UTRN: variants seen among roughly 807,000 people sequenced by gnomAD.
UTRN encodes dystrophin-related protein 1.
Under a neutral mutation model 463.9 loss-of-function variants are expected in UTRN, and 283 were observed. That is an observed-to-expected ratio of 0.61 (90% CI 0.55 to 0.67). UTRN has a LOEUF of 0.67. Ranked by LOEUF, UTRN falls within the 30% of genes least tolerant of loss-of-function variation. The pLI is 0.00. For missense variants in UTRN, 3,922 were observed against 4,084.3 expected (o/e 0.96, Z 1.08); for synonymous variants, 1,442 against 1,431.5 (o/e 1.01, Z -0.17).
At chr6:144,519,884 G>A (rs911251846) in intron 39 of UTRN, among the ~76,000 whole-genome samples, 2 of 152,172 alleles carry the variant, frequency 1.3e-5, no homozygotes, top group African/African-American at 4.8e-5. Flanking sequence ...AACTGAAGAA[G>A]CAGCACAGGA....
chr6:144,548,570 T>C, intron 46 of UTRN, 70 bp from the exon 47 acceptor site: 4 of 1,450,642 alleles, frequency 2.8e-6, no homozygotes, highest in Non-Finnish European at 3.8e-6. Flanking sequence ...CATACACGTG[T>C]CACCATGACA....
chr6:144,336,384 T>C (rs374246846), intron 2 of UTRN, among the ~76,000 whole-genome samples: 9 of 152,304 alleles, frequency 5.9e-5, no homozygotes, highest in African/African-American at 2.2e-4. Flanking sequence ...GCACAAGTTT[T>C]CTGAGGTAGA....
intron 59 of UTRN, among the ~76,000 whole-genome samples, 181 bp from the exon 60 acceptor site, chr6:144,774,109 C>G (rs1404863833): frequency 1.3e-5 from 2 of 152,198 alleles, no homozygotes; most frequent in African/African-American, 2.4e-5. Flanking sequence ...TGTATCTCAA[C>G]ATGGTGCTAA....
intron 2 of UTRN, among the ~76,000 whole-genome samples, chr6:144,370,495 G>T (rs1335191317): frequency 6.6e-6 from 1 of 152,210 alleles, no homozygotes; most frequent in Non-Finnish European, 1.5e-5. Flanking sequence ...GGATGTCCAG[G>T]CAGAGGTGTG....
rs529449477 is a variant in UTRN at position 144,743,972 on chromosome 6, T to G, written c.7940-4274T>G. ...ATTCATAATACATGATACATAAATA[T>G]ATAATATAAATAAATATAAAAGTAT... On this transcript the variant is annotated intron_variant, in intron 54 of 74. Transcript: ENST00000367545. Among the ~76,000 whole-genome samples, 120 of 150,046 alleles carry G rather than the reference T, an allele frequency of 8.0e-4. 1 individual carries two copies. The highest frequency in any genetic ancestry group is 1.3e-3 in the Non-Finnish European group (87 of 67,484).
chr6:144,517,590 C>T (rs1417105270), intron 39 of UTRN, among the ~76,000 whole-genome samples: 1 of 152,032 alleles, frequency 6.6e-6, no homozygotes, highest in Non-Finnish European at 1.5e-5. Flanking sequence ...CCTTCTAGAA[C>T]GATTTTTATT....
intron 2 of UTRN, among the ~76,000 whole-genome samples, chr6:144,306,174 A>G (rs1005568706): frequency 2.0e-5 from 3 of 151,764 alleles, no homozygotes; most frequent in African/African-American, 7.3e-5. Context: ...CCTCTCTCTC[A>G]CTCCTGGTTT....
chr6:144,680,773 T>C (rs1782120569), intron 52 of UTRN, among the ~76,000 whole-genome samples: 1 of 152,164 alleles, frequency 6.6e-6, no homozygotes, highest in South Asian at 2.1e-4. Context: ...CCAGATAGTC[T>C]AGGTGATGAC....
Position 144,851,065 on chromosome 6 carries a change from A to G in UTRN, c.*68A>G. 5 of 1,605,696 alleles carry G rather than the reference A, an allele frequency of 3.1e-6. No individual in the cohort carries two copies. Among genetic ancestry groups the G allele is most frequent in the Middle Eastern group, 3.3e-4 (2 of 6,036 alleles). ...GCCCTTTTCAGCAAATGCCAATTCC[A>G]AGTTCCATTAAATCAGAAGCTCCAT... On this transcript the variant is annotated 3_prime_UTR_variant, in exon 75 of 75. Transcript: ENST00000367545.
At chr6:144,537,218 A>G (rs952156544) in intron 43 of UTRN, among the ~76,000 whole-genome samples, 1 of 152,030 alleles carries the variant, frequency 6.6e-6, no homozygotes, top group African/African-American at 2.4e-5. Context: ...CTTTTTCCCT[A>G]TTATTTTAGA....
At chr6:144,346,784 C>T (rs1396614232) in intron 2 of UTRN, among the ~76,000 whole-genome samples, 4 of 152,098 alleles carry the variant, frequency 2.6e-5, no homozygotes, top group African/African-American at 7.2e-5. Context: ...GATTGCGCCA[C>T]TGCACTTCAG....
Position 144,839,289 on chromosome 6 carries a change from G to T in UTRN, c.10177+5G>T. The T allele has an allele frequency of 2.5e-6, 4 of 1,611,032 alleles. No homozygotes were observed. The highest frequency in any genetic ancestry group is 3.4e-6 in the Non-Finnish European group (4 of 1,178,060). On this transcript the variant is annotated splice_donor_5th_base_variant and intron_variant, in intron 72 of 74. Coordinates refer to ENST00000367545, the MANE Select transcript of UTRN (RefSeq NM_007124.3). The stretch of plus-strand genomic sequence containing the variant: ...GCCCACAGTTCCACCAGGCAGGTCG[G>T]TGTCCCCAGCACACAGCTCCTCTGC...
chr6:144,516,784 ATT>A (rs569958690), intron 38 of UTRN, 25 bp from the exon 39 acceptor site: 19 of 1,305,136 alleles, frequency 1.5e-5, no homozygotes, highest in Admixed American at 3.1e-5. Context: ...CTTTTGAGTC[ATT>A]TTTTTTTTCC....
intron 2 of UTRN, among the ~76,000 whole-genome samples, chr6:144,381,346 A>G (rs1780902923): frequency 1.3e-5 from 2 of 152,234 alleles, no homozygotes. Context: ...TGCAAACAAC[A>G]TGATCTCATT....
intron 2 of UTRN, among the ~76,000 whole-genome samples, chr6:144,317,542 A>C (rs943052732): frequency 6.6e-5 from 10 of 151,968 alleles, no homozygotes; most frequent in Non-Finnish European, 1.3e-4. Flanking sequence ...GATTACAGGC[A>C]CCCACCACCA....
chr6:144,391,802 C>T (rs944033925), intron 2 of UTRN, among the ~76,000 whole-genome samples: 17 of 152,172 alleles, frequency 1.1e-4, no homozygotes, highest in African/African-American at 3.6e-4. Context: ...CCACCACACC[C>T]ATCTAATTTT....
At chr6:144,817,873 T>C (rs2128752104) in intron 65 of UTRN, among the ~76,000 whole-genome samples, 1 of 152,340 alleles carries the variant, frequency 6.6e-6, no homozygotes, top group East Asian at 1.9e-4. Context: ...GTACTAACTT[T>C]TAAAAACATG....
intron 50 of UTRN, among the ~76,000 whole-genome samples, chr6:144,562,586 T>C (rs1800036250): frequency 6.6e-6 from 1 of 152,204 alleles, no homozygotes; most frequent in Admixed American, 6.5e-5. Context: ...TACCACATTT[T>C]CTTTATCCAG....
chr6:144,567,510 C>G (rs761125742), intron 50 of UTRN, among the ~76,000 whole-genome samples: 1 of 152,054 alleles, frequency 6.6e-6, no homozygotes, highest in Non-Finnish European at 1.5e-5. Context: ...AGGCTGTGGG[C>G]AGGGATCATG....
Sources: allele counts gnomAD v4.1 joint callset (sites outside exome capture counted in the v4.1 genomes callset), GRCh38; gene constraint gnomAD v4.1.1; transcripts MANE v1.5; gene names NCBI Gene and HGNC (gene_info 2026-07-23, HGNC 2026-07-21).